SLC6A11: variants seen among roughly 807,000 people sequenced by gnomAD.
The protein encoded by SLC6A11 is solute carrier family 6 member 11, also known as sodium- and chloride-dependent GABA transporter 3.
Under a neutral mutation model 74.8 loss-of-function variants are expected in SLC6A11, and 25 were observed. The ratio of observed to expected loss-of-function variants is 0.33; its 90% CI spans 0.24 to 0.47. The LOEUF (loss-of-function observed/expected upper bound fraction) is 0.47. Ranked by LOEUF, SLC6A11 falls within the 20% of genes least tolerant of loss-of-function variation. The pLI is 1.00. For synonymous variants in SLC6A11, 330 were observed against 330.2 expected (o/e 1.00, Z 0.01); for missense variants, 574 against 837.0 (o/e 0.69, Z 3.88).
intron 13 of SLC6A11, 73 bp from the exon 14 acceptor site, chr3:10,938,177 G>A: frequency 7.1e-7 from 1 of 1,411,496 alleles, no homozygotes; most frequent in Non-Finnish European, 9.5e-7. Flanking sequence ...CCGTGTGCTT[G>A]GGAGAGGCCA....
intron 5 of SLC6A11, among the ~76,000 whole-genome samples, chr3:10,862,905 G>A (rs886346322): frequency 1.3e-5 from 2 of 152,246 alleles, no homozygotes; most frequent in African/African-American, 4.8e-5. Flanking sequence ...ATAGGGCCTG[G>A]CACACTGTAG....
chr3:10,922,981 A>T (rs1384958645), intron 8 of SLC6A11, among the ~76,000 whole-genome samples: 1 of 152,152 alleles, frequency 6.6e-6, no homozygotes, highest in Non-Finnish European at 1.5e-5. Context: ...ATAGATAATT[A>T]GTCAGATTTT....
intron 6 of SLC6A11, among the ~76,000 whole-genome samples, chr3:10,901,928 C>A (rs1695245581): frequency 6.6e-6 from 1 of 152,174 alleles, no homozygotes; most frequent in Non-Finnish European, 1.5e-5. Context: ...TTCTCCTAAC[C>A]TACTTTTAAT....
intron 3 of SLC6A11, among the ~76,000 whole-genome samples, chr3:10,820,111 A>T (rs542450949): frequency 2.6e-5 from 4 of 152,324 alleles, no homozygotes; most frequent in South Asian, 2.1e-4. Flanking sequence ...CTGTTTGTCA[A>T]ATGCAGAGAC....
At position 10,823,445 on chromosome 3, in the gene SLC6A11, C is replaced by A. The variant is rs1694163551; in HGVS notation, c.623+53C>A. 3.3e-6 allele frequency: 4 copies of A among 1,224,620 alleles called. No individual in the cohort carries two copies. The Middle Eastern group carries it at 9.4e-4, about 287-fold the overall frequency. 75.9% of individuals were successfully genotyped at this position (1,224,620 alleles called of 1,614,324 possible). A position where few individuals can be genotyped will look rare whatever the true frequency, so the allele number is the denominator to read the frequency against. On this transcript the variant is annotated intron_variant, in intron 4 of 13. Coordinates refer to ENST00000254488, the MANE Select transcript of SLC6A11 (RefSeq NM_014229.3). ...GGCCTGTGGGGGCTCTGTCCTGGTTCTGCTCAGTTGGTCTTGCCCCTATTC... is the reference window on the plus strand; with the variant it reads ...GGCCTGTGGGGGCTCTGTCCTGGTTATGCTCAGTTGGTCTTGCCCCTATTC...
rs576646229 is a variant in SLC6A11, at chr3:10,865,122, G to C, written c.757-9839G>C. Reference sequence around the variant, plus strand: ...AGGCATTGCTTATTGCACAGTGATGGTGAGTAAAGACAGTCACAATCTTTC... The same window carrying C: ...AGGCATTGCTTATTGCACAGTGATGCTGAGTAAAGACAGTCACAATCTTTC... On this transcript the variant is annotated intron_variant, in intron 5 of 13. Transcript: ENST00000254488. Among the ~76,000 whole-genome samples, 8 of 152,352 alleles carry C rather than the reference G, an allele frequency of 5.3e-5. No individual in the cohort carries two copies. In the East Asian group the frequency reaches 1.5e-3, roughly 29 times the overall value.
intron 6 of SLC6A11, 53 bp from the exon 7 acceptor site, chr3:10,912,037 C>A: frequency 1.6e-6 from 2 of 1,216,258 alleles, no homozygotes; most frequent in Non-Finnish European, 2.4e-6. Context: ...GGGCTACCCT[C>A]TCACCACACA....
At chr3:10,873,128 A>G (rs963804082) in intron 5 of SLC6A11, among the ~76,000 whole-genome samples, 2 of 152,174 alleles carry the variant, frequency 1.3e-5, no homozygotes, top group African/African-American at 4.8e-5. Flanking sequence ...GGGAACTCCT[A>G]CAGTCCCTGC....
intron 7 of SLC6A11, among the ~76,000 whole-genome samples, chr3:10,913,918 C>T (rs975147046): frequency 1.3e-5 from 2 of 152,224 alleles, no homozygotes; most frequent in African/African-American, 4.8e-5. Flanking sequence ...TGGTCTTGAT[C>T]TCCTGACCTC....
chr3:10,828,895 C>T (rs560568221), intron 4 of SLC6A11, among the ~76,000 whole-genome samples: 6 of 152,264 alleles, frequency 3.9e-5, no homozygotes, highest in South Asian at 2.1e-4. Flanking sequence ...CTGGCAAGGA[C>T]GATGTCTGTT....
chr3:10,841,647 C>T (rs973980935), intron 4 of SLC6A11, among the ~76,000 whole-genome samples: 1 of 152,224 alleles, frequency 6.6e-6, no homozygotes, highest in African/African-American at 2.4e-5. Flanking sequence ...GGCTGCATGA[C>T]TCAAAAATTT....
chr3:10,894,777 G>A (rs1446637584), intron 6 of SLC6A11, among the ~76,000 whole-genome samples: 2 of 152,106 alleles, frequency 1.3e-5, no homozygotes, highest in South Asian at 4.1e-4. Context: ...CTTGAAAATC[G>A]CTAAGAGAAT....
intron 5 of SLC6A11, among the ~76,000 whole-genome samples, chr3:10,861,170 A>G (rs1694698974): frequency 6.6e-6 from 1 of 152,200 alleles, no homozygotes; most frequent in Non-Finnish European, 1.5e-5. Context: ...CAGATAACAG[A>G]TGCTAAGTGA....
In SLC6A11 at chr3:10,838,767, A is replaced by T. The variant is rs145578130; in HGVS notation, c.624-5447A>T. 4.3e-3 allele frequency among the ~76,000 whole-genome samples: 647 copies of T among 152,198 alleles called. 4 individuals carry two copies. Among genetic ancestry groups the T allele is most frequent in the African/African-American group, 0.014 (597 of 41,520 alleles). On this transcript the variant is annotated intron_variant, in intron 4 of 13. Coordinates refer to ENST00000254488, the MANE Select transcript of SLC6A11 (RefSeq NM_014229.3). ...CTGTCTCAAAATATGTATATATATC[A>T]ATTTGGGCAAGTTGCTTCACCTCCC...
At chr3:10,829,114 C>G (rs991340422) in intron 4 of SLC6A11, among the ~76,000 whole-genome samples, 22 of 152,152 alleles carry the variant, frequency 1.4e-4, no homozygotes, top group Non-Finnish European at 2.9e-4. Context: ...TGTAGGAAGC[C>G]CAGCCCATCT....
chr3:10,867,384 C>T (rs1575681769), intron 5 of SLC6A11, among the ~76,000 whole-genome samples: 2 of 152,106 alleles, frequency 1.3e-5, no homozygotes, highest in South Asian at 2.1e-4. Flanking sequence ...TGCCTAGGCT[C>T]GGAGGAATTT....
At chr3:10,824,249 C>A (rs1323121202) in intron 4 of SLC6A11, 1 of 152,170 alleles carries the variant, frequency 6.6e-6, no homozygotes, top group Non-Finnish European at 1.5e-5. Context: ...TCCCTTGCCC[C>A]AGGTATTGGA....
rs151278679 is a variant in SLC6A11 at position 10,849,320 on chromosome 3, A to G, written c.756+4974A>G. Among the ~76,000 whole-genome samples, 1,008 of 152,286 alleles carry G rather than the reference A, an allele frequency of 6.6e-3. 9 individuals carry two copies. Among genetic ancestry groups the G allele is most frequent in the African/African-American group, 0.023 (966 of 41,552 alleles). ...GAATGGGGATAATTGAAATTAAGTG[A>G]CCAGAAAGTAGAGACGTCTTTGTGA... is the stretch of plus-strand genomic sequence containing the variant. On this transcript the variant is annotated intron_variant, in intron 5 of 13. Coordinates refer to ENST00000254488, the MANE Select transcript of SLC6A11 (RefSeq NM_014229.3).
chr3:10,914,599 G>A (rs1695431155), intron 7 of SLC6A11, among the ~76,000 whole-genome samples: 1 of 152,184 alleles, frequency 6.6e-6, no homozygotes, highest in Non-Finnish European at 1.5e-5. Flanking sequence ...GTGACCGGAT[G>A]ACAATGAGAT....
Sources: allele counts gnomAD v4.1 joint callset (sites outside exome capture counted in the v4.1 genomes callset), GRCh38; gene constraint gnomAD v4.1.1; transcripts MANE v1.5; gene names NCBI Gene and HGNC (gene_info 2026-07-23, HGNC 2026-07-21).